Variants in TLCD4 observed in about 807,000 individuals in gnomAD.
TLCD4 encodes TLC domain-containing protein 4.
A neutral mutation model predicts 24.2 loss-of-function variants in TLCD4; 7 were observed. The observed-to-expected ratio is 0.29, with a 90% CI of 0.16 to 0.54. The LOEUF (loss-of-function observed/expected upper bound fraction) is 0.54. TLCD4 is among the 20% of genes least tolerant of loss of function. TLCD4 has a pLI of 0.95. For synonymous variants in TLCD4, 103 were observed against 106.4 expected (o/e 0.97, Z 0.20); for missense variants, 259 against 313.9 (o/e 0.82, Z 1.32).
At chr1:95,141,460 T>A (rs1424842220) in intron 1 of TLCD4, among the ~76,000 whole-genome samples, 1 of 152,166 alleles carries the variant, frequency 6.6e-6, no homozygotes, top group African/African-American at 2.4e-5. Context: ...AGGGGAAACC[T>A]CCTCACATTT....
At chr1:95,163,277 C>T (rs2100969707) in intron 5 of TLCD4, 1 of 152,288 alleles carries the variant, frequency 6.6e-6, no homozygotes, top group South Asian at 2.1e-4. Flanking sequence ...ACCCTTTCTT[C>T]CACTTGATCA....
chr1:95,096,329 C>T, the TLCD4 span, among the ~76,000 whole-genome samples: 2 of 152,098 alleles, frequency 1.3e-5, no homozygotes, highest in Non-Finnish European at 2.9e-5. Context: ...TGCTGTTTTC[C>T]GGCCTTAGGT....
At chr1:95,174,860 C>G (rs1435883627) in intron 6 of TLCD4, among the ~76,000 whole-genome samples, 1 of 152,142 alleles carries the variant, frequency 6.6e-6, no homozygotes, top group Non-Finnish European at 1.5e-5. Context: ...ACTGCAACCT[C>G]CACCTCCTAG....
At chr1:95,134,027 A>G (rs151193481) in intron 1 of TLCD4, among the ~76,000 whole-genome samples, 2 of 152,078 alleles carry the variant, frequency 1.3e-5, no homozygotes, top group African/African-American at 2.4e-5. Context: ...GTGGACTGAT[A>G]ATGTTGTAAT....
intron 6 of TLCD4, among the ~76,000 whole-genome samples, chr1:95,187,250 G>A (rs776823871): frequency 1.3e-5 from 2 of 152,160 alleles, no homozygotes; most frequent in Admixed American, 6.5e-5. Flanking sequence ...AACAATTAGC[G>A]AGCCAGTGTT....
intron 1 of TLCD4, among the ~76,000 whole-genome samples, chr1:95,126,376 C>T (rs529418693): frequency 1.3e-5 from 2 of 150,254 alleles, no homozygotes; most frequent in African/African-American, 4.9e-5. Flanking sequence ...TGCAGTGAGC[C>T]GAGATCACTC....
chr1:95,189,145 A>T (rs1678937965), intron 6 of TLCD4, among the ~76,000 whole-genome samples: 1 of 152,146 alleles, frequency 6.6e-6, no homozygotes, highest in African/African-American at 2.4e-5. Flanking sequence ...TTTTTCATCA[A>T]ACAAATCCAT....
chr1:95,183,616 A>T (rs1446391460), intron 6 of TLCD4, among the ~76,000 whole-genome samples: 1 of 152,166 alleles, frequency 6.6e-6, no homozygotes, highest in Non-Finnish European at 1.5e-5. Context: ...AGGCGAGCAG[A>T]TCACAAGGTC....
chr1:95,138,146 C>T (rs1385562284), intron 1 of TLCD4: 1 of 152,118 alleles, frequency 6.6e-6, no homozygotes, highest in Non-Finnish European at 1.5e-5. Context: ...GTTACCTCTC[C>T]TGGGTATTTA....
chr1:95,135,003 C>T (rs946870657), intron 1 of TLCD4, among the ~76,000 whole-genome samples: 3 of 152,144 alleles, frequency 2.0e-5, no homozygotes, highest in Admixed American at 6.5e-5. Flanking sequence ...TCTAAGGCTA[C>T]GCAGCTAGCA....
chr1:95,172,172 C>T (rs561392860), intron 5 of TLCD4, among the ~76,000 whole-genome samples: 145 of 152,218 alleles, frequency 9.5e-4, no homozygotes, highest in African/African-American at 3.3e-3. Context: ...CTTAAACCAC[C>T]CACTTTTTGG....
the TLCD4 span, among the ~76,000 whole-genome samples, chr1:95,109,319 G>A: frequency 6.6e-6 from 1 of 151,904 alleles, no homozygotes; most frequent in Non-Finnish European, 1.5e-5. Flanking sequence ...CTCCAGCCTG[G>A]GCGACAGAGT....
chr1:95,153,272 A>G (rs972169169), intron 5 of TLCD4, among the ~76,000 whole-genome samples: 1 of 152,232 alleles, frequency 6.6e-6, no homozygotes, highest in East Asian at 1.9e-4. Flanking sequence ...TGAATTGTAC[A>G]CTTAAAAGTT....
chr1:95,104,328 T>C, the TLCD4 span, among the ~76,000 whole-genome samples: 1 of 152,176 alleles, frequency 6.6e-6, no homozygotes, highest in South Asian at 2.1e-4. Flanking sequence ...TGGTGTTGTG[T>C]ACTGACGAAC....
At chr1:95,142,130 CTTTT>C (rs35609217) in intron 1 of TLCD4, among the ~76,000 whole-genome samples, 4 of 119,282 alleles carry the variant, frequency 3.4e-5, no homozygotes, top group Admixed American at 1.9e-4. Context: ...GCCTTAGTGC[CTTTT>C]TTTTTTTTTT....
the TLCD4 span, among the ~76,000 whole-genome samples, chr1:95,100,929 G>A: frequency 6.9e-6 from 1 of 145,082 alleles, no homozygotes; most frequent in African/African-American, 2.5e-5. Flanking sequence ...TTTTTTTTGA[G>A]ACAGAGTCTT....
chr1:95,151,455 A>G (rs1477937394), intron 5 of TLCD4, 36 bp downstream of exon 5: 1 of 1,600,454 alleles, frequency 6.2e-7, no homozygotes, highest in Non-Finnish European at 8.5e-7. Context: ...TAACTAGCAG[A>G]CAAGATTGGG....
chr1:95,189,899 G>T (rs1678965678), intron 6 of TLCD4, among the ~76,000 whole-genome samples: 1 of 152,114 alleles, frequency 6.6e-6, no homozygotes, highest in Non-Finnish European at 1.5e-5. Context: ...TTGCTGGTTT[G>T]TGTGCTATGA....
chr1:95,150,856 C>CA (rs540646613), intron 4 of TLCD4, among the ~76,000 whole-genome samples: 249 of 151,918 alleles, frequency 1.6e-3, no homozygotes, highest in South Asian at 0.012. Flanking sequence ...ATTGTAGTGA[C>CA]AAAAATCAGT....
Sources: allele counts gnomAD v4.1 joint callset (sites outside exome capture counted in the v4.1 genomes callset), GRCh38; gene constraint gnomAD v4.1.1; transcripts MANE v1.5; gene names NCBI Gene and HGNC (gene_info 2026-07-23, HGNC 2026-07-21).